Variants in ZMYM2 observed in about 807,000 individuals in gnomAD.
ZMYM2 encodes the protein zinc finger MYM-type containing 2, also known as zinc finger MYM-type protein 2.
ZMYM2 carries 56 observed loss-of-function variants against 162.8 expected under a neutral mutation model. The ratio of observed to expected loss-of-function variants is 0.34; its 90% CI spans 0.28 to 0.43. The LOEUF (loss-of-function observed/expected upper bound fraction) is 0.43, where lower values mean the gene tolerates loss of function less well. Among genes scored for constraint, ZMYM2 ranks in the 20% least tolerant of loss-of-function variants. The pLI is 1.00. For synonymous variants in ZMYM2, 510 were observed against 541.6 expected (o/e 0.94, Z 0.81); for missense variants, 1,275 against 1,621.8 (o/e 0.79, Z 3.67).
rs953838072 is a variant in ZMYM2, at chr13:20,087,152, A to T, written c.*1138A>T. 4.8e-5 allele frequency: 9 copies of T among 187,594 alleles called. No individual in the cohort carries two copies. The highest frequency in any genetic ancestry group is 2.1e-4 in the African/African-American group (9 of 42,810). The allele number at this position is 187,594 out of a possible 1,614,324, so 11.6% of individuals were successfully genotyped here. On this transcript the variant is annotated 3_prime_UTR_variant, in exon 25 of 25. Coordinates refer to ENST00000610343, the MANE Select transcript of ZMYM2 (RefSeq NM_197968.4). ...GAAGATTACCAGTGTAGTAATTCTG[A>T]TATTGCAAATGATTGAGGAACAAAC...
At chr13:20,080,362 G>C (rs1040490671) in intron 21 of ZMYM2, among the ~76,000 whole-genome samples, 1 of 152,130 alleles carries the variant, frequency 6.6e-6, no homozygotes, top group Admixed American at 6.5e-5. Context: ...GTTTTGATTA[G>C]TGTATACATG....
chr13:19,957,511 C>T (rs1009880981), upstream of ZMYM2, among the ~76,000 whole-genome samples: 1 of 150,416 alleles, frequency 6.6e-6, no homozygotes, highest in Admixed American at 6.6e-5. Context: ...AGACGAGGAA[C>T]AAAAGAGAAG....
the ZMYM2 span, among the ~76,000 whole-genome samples, chr13:19,869,943 G>A: frequency 1.8e-4 from 27 of 152,274 alleles, no homozygotes; most frequent in South Asian, 3.5e-3. Flanking sequence ...TACTTATCGT[G>A]TCTGTTATTG....
At chr13:19,957,881 T>C (rs898219338), upstream of ZMYM2, among the ~76,000 whole-genome samples, 1 of 152,164 alleles carries the variant, frequency 6.6e-6, no homozygotes, top group Non-Finnish European at 1.5e-5. Flanking sequence ...TCCACCGTCG[T>C]GCCCGTCCCC....
chr13:19,878,341 C>T, the ZMYM2 span, among the ~76,000 whole-genome samples: 1 of 152,078 alleles, frequency 6.6e-6, no homozygotes, highest in Non-Finnish European at 1.5e-5. Context: ...GCGCAAGCCA[C>T]TACACCTGGC....
intron 6 of ZMYM2, among the ~76,000 whole-genome samples, chr13:20,016,195 T>TG (rs1485172518): frequency 6.6e-6 from 1 of 152,038 alleles, no homozygotes; most frequent in Non-Finnish European, 1.5e-5. Context: ...GTGGTTACTG[T>TG]GGGGGAGGCT....
intron 21 of ZMYM2, among the ~76,000 whole-genome samples, chr13:20,068,851 T>G (rs1956874780): frequency 6.6e-6 from 1 of 152,220 alleles, no homozygotes; most frequent in South Asian, 2.1e-4. Flanking sequence ...TCTAGGCTCC[T>G]CTTGTTTTAA....
At chr13:20,049,659 A>G (rs1036640331) in intron 12 of ZMYM2, among the ~76,000 whole-genome samples, 7 of 152,050 alleles carry the variant, frequency 4.6e-5, no homozygotes, top group African/African-American at 1.2e-4. Context: ...TTTGAATCCT[A>G]TCTCTGCATT....
At chr13:19,941,316 A>AACAT in the ZMYM2 span, among the ~76,000 whole-genome samples, 1 of 146,372 alleles carries the variant, frequency 6.8e-6, no homozygotes, top group African/African-American at 2.4e-5. Context: ...CAAACAAACA[A>AACAT]AAAAACAAAA....
chr13:19,994,867 C>T (rs555936248), intron 3 of ZMYM2, among the ~76,000 whole-genome samples: 225 of 152,190 alleles, frequency 1.5e-3, no homozygotes, highest in Middle Eastern at 3.4e-3. Context: ...GGGTCTCTCT[C>T]TGTCGCCCAG....
chr13:20,049,033 T>A (rs1162129053), intron 12 of ZMYM2, among the ~76,000 whole-genome samples: 1 of 151,974 alleles, frequency 6.6e-6, no homozygotes, highest in Non-Finnish European at 1.5e-5. Flanking sequence ...ATGATCTTTT[T>A]AAATTGGCCA....
intron 2 of ZMYM2, among the ~76,000 whole-genome samples, chr13:19,979,687 C>T (rs979787282): frequency 3.3e-5 from 5 of 152,162 alleles, no homozygotes; most frequent in South Asian, 2.1e-4. Context: ...GTAAAAGTTC[C>T]TATCAGCCCT....
At chr13:19,920,573 G>A in the ZMYM2 span, among the ~76,000 whole-genome samples, 1 of 151,658 alleles carries the variant, frequency 6.6e-6, no homozygotes, top group Non-Finnish European at 1.5e-5. Flanking sequence ...GAAGGAGGAG[G>A]TGATTAAGGG....
the ZMYM2 span, among the ~76,000 whole-genome samples, chr13:19,886,214 G>A: frequency 3.1e-4 from 43 of 138,554 alleles, no homozygotes; most frequent in African/African-American, 1.1e-3. Flanking sequence ...GCCCAAGCTG[G>A]AGTGCGATGG....
At chr13:19,911,354 C>T in the ZMYM2 span, among the ~76,000 whole-genome samples, 7 of 152,072 alleles carry the variant, frequency 4.6e-5, no homozygotes, top group South Asian at 2.1e-4. Context: ...CCACCATCTT[C>T]GGCCCCAGTT....
chr13:19,954,221 C>T (rs1055670398), upstream of ZMYM2, among the ~76,000 whole-genome samples: 24 of 145,246 alleles, frequency 1.7e-4, no homozygotes, highest in East Asian at 4.3e-4. Flanking sequence ...CTCCGCCTTC[C>T]GGGTTCACGT....
intron 7 of ZMYM2, 132 bp from the exon 8 acceptor site, chr13:20,026,480 C>T: frequency 1.2e-6 from 1 of 809,706 alleles, no homozygotes; most frequent in Non-Finnish European, 1.9e-6. Flanking sequence ...TAGATGAAGA[C>T]TCATGACTCT....
At chr13:20,035,178 G>A (rs1566358062) in intron 11 of ZMYM2, among the ~76,000 whole-genome samples, 2 of 152,010 alleles carry the variant, frequency 1.3e-5, no homozygotes, top group Non-Finnish European at 2.9e-5. Flanking sequence ...CTTTTTCTAT[G>A]GATTCCTGAC....
intron 24 of ZMYM2, among the ~76,000 whole-genome samples, chr13:20,084,125 C>T (rs1958089930): frequency 6.6e-6 from 1 of 152,146 alleles, no homozygotes; most frequent in African/African-American, 2.4e-5. Flanking sequence ...CATCCTCCCA[C>T]CCTCTGCCTC....
Sources: gnomAD v4.1 joint callset for allele counts (sites outside exome capture counted in the v4.1 genomes callset) on GRCh38, gnomAD v4.1.1 for gene constraint, MANE v1.5 for transcripts, NCBI Gene and HGNC (gene_info 2026-07-23, HGNC 2026-07-21) for gene names.